ITGAE: variants seen among roughly 807,000 people sequenced by gnomAD.
The protein encoded by ITGAE is integrin alpha-E.
In ITGAE, 99 loss-of-function variants were observed where a neutral mutation model predicts 136.5. The observed-to-expected ratio is 0.73, with a 90% CI of 0.62 to 0.86. ITGAE has a LOEUF of 0.86. Ranked by LOEUF, ITGAE falls within the 40% of genes least tolerant of loss-of-function variation. The pLI is 0.00. For missense variants in ITGAE, 1,447 were observed against 1,515.3 expected (o/e 0.95, Z 0.75); for synonymous variants, 613 against 591.8 (o/e 1.04, Z -0.52).
chr17:3,797,988 A>T (rs1484320016), intron 1 of ITGAE, among the ~76,000 whole-genome samples: 1 of 152,112 alleles, frequency 6.6e-6, no homozygotes, highest in Non-Finnish European at 1.5e-5. Flanking sequence ...GCCGGCACTC[A>T]GGTCCCCACG....
At chr17:3,756,924 AG>A (rs1277063669) in intron 10 of ITGAE, 59 bp downstream of exon 10, 1 of 1,550,080 alleles carries the variant, frequency 6.5e-7, no homozygotes, top group East Asian at 2.3e-5. Flanking sequence ...GATGGGACAG[AG>A]GCCGGGCTGG....
At position 3,728,189 on chromosome 17, in the gene ITGAE, G is replaced by C. The variant is rs746046912; in HGVS notation, c.2913-21C>G. 8.8e-6 allele frequency: 14 copies of C among 1,594,684 alleles called. No individual in the cohort carries two copies. The South Asian group carries it at 1.3e-4, about 15-fold the overall frequency. ...ATGGTCTGCAATTGACAGGACATGC[G>C]TCAGCCCTTGAGGAGTCTTTCTCCC... is the stretch of plus-strand genomic sequence containing the variant. On this transcript the variant is annotated intron_variant, in intron 24 of 30. Coordinates refer to ENST00000263087, the MANE Select transcript of ITGAE (RefSeq NM_002208.5).
intron 21 of ITGAE, 150 bp downstream of exon 21, chr17:3,734,667 C>G (rs981049735): frequency 1.1e-6 from 1 of 912,084 alleles, no homozygotes; most frequent in Non-Finnish European, 1.7e-6. Flanking sequence ...GCCGGACTGG[C>G]GGGGATTTAT....
rs778969179 is a variant in ITGAE, at chr17:3,724,245, C to A, written c.3085-501G>T. 34 of 1,592,770 alleles carry A rather than the reference C, an allele frequency of 2.1e-5. No homozygotes were observed. In the East Asian group the frequency reaches 6.7e-4, roughly 32 times the overall value. On this transcript the variant is annotated intron_variant, in intron 26 of 30. Transcript: ENST00000263087. ...CGTGACCCCAAAGCGCTGGAAGCTG[C>A]GAGCTCGCCCAAGCCTAACCGTGAC...
intron 8 of ITGAE, among the ~76,000 whole-genome samples, chr17:3,758,207 C>T (rs1413212757): frequency 6.6e-6 from 1 of 152,152 alleles, no homozygotes; most frequent in Non-Finnish European, 1.5e-5. Context: ...ATATTTTAAG[C>T]CATCCAACCA....
At chr17:3,763,471 C>T (rs1261294810) in intron 3 of ITGAE, among the ~76,000 whole-genome samples, 1 of 152,092 alleles carries the variant, frequency 6.6e-6, no homozygotes, top group Non-Finnish European at 1.5e-5. Context: ...GCTAGAGTTT[C>T]GAATCAGCCA....
chr17:3,756,976 G>T lies in ITGAE; in HGVS notation c.1171+8C>A. ...CTCCTGCGGTGGCCTGGGTCCCGGA[G>T]CCCTCACCTTCCATGCTGATGATGT... On this transcript the variant is annotated splice_region_variant and intron_variant, in intron 10 of 30. Transcript: ENST00000263087. 1 of 1,611,114 alleles carries T rather than the reference G, an allele frequency of 6.2e-7. No homozygotes were observed. Among genetic ancestry groups the T allele is most frequent in the African/African-American group, 1.3e-5 (1 of 75,040 alleles).
chr17:3,778,839 T>C (rs954068692), intron 1 of ITGAE, among the ~76,000 whole-genome samples: 2 of 152,110 alleles, frequency 1.3e-5, no homozygotes, highest in African/African-American at 4.8e-5. Flanking sequence ...CATTTGACAA[T>C]GGGCAGAGCA....
At chr17:3,786,913 T>C (rs941578305) in intron 1 of ITGAE, among the ~76,000 whole-genome samples, 1 of 142,250 alleles carries the variant, frequency 7.0e-6, no homozygotes, top group African/African-American at 2.6e-5. Flanking sequence ...AAAAAAAGCA[T>C]GATACATCAA....
chr17:3,791,427 G>A (rs2052936654), intron 1 of ITGAE, among the ~76,000 whole-genome samples: 2 of 151,666 alleles, frequency 1.3e-5, no homozygotes, highest in Non-Finnish European at 2.9e-5. Context: ...GGATTACAGG[G>A]GTGTGCCAAC....
chr17:3,794,830 G>A (rs1597375421), intron 1 of ITGAE, among the ~76,000 whole-genome samples: 2 of 152,218 alleles, frequency 1.3e-5, no homozygotes, highest in South Asian at 4.1e-4. Context: ...GTGGGTGGGG[G>A]GCCTTCTTCC....
intron 26 of ITGAE, chr17:3,725,741 G>A: frequency 6.3e-7 from 1 of 1,582,996 alleles, no homozygotes; most frequent in South Asian, 1.2e-5. Context: ...TCTTCATTGT[G>A]CTGGAATTTG....
Position 3,720,717 on chromosome 17 carries a change from G to C in ITGAE, c.3238-315C>G, listed in dbSNP as rs1158644084. On this transcript the variant is annotated intron_variant, in intron 28 of 30. Coordinates refer to ENST00000263087, the MANE Select transcript of ITGAE (RefSeq NM_002208.5). Reference sequence around the variant, plus strand: ...CCTGCCTTAGCCTCCCGAGTAGCTGGAATTATGGGCATGTGCCACCATGCC... The same window carrying C: ...CCTGCCTTAGCCTCCCGAGTAGCTGCAATTATGGGCATGTGCCACCATGCC... 4 of 200,272 alleles carry C rather than the reference G, an allele frequency of 2.0e-5. No individual in the cohort carries two copies. The South Asian group carries it at 2.2e-4, about 11-fold the overall frequency. 12.4% of individuals were successfully genotyped at this position (200,272 alleles called of 1,614,324 possible).
chr17:3,734,316 GC>G (rs1305850802), intron 21 of ITGAE, among the ~76,000 whole-genome samples: 2 of 152,116 alleles, frequency 1.3e-5, no homozygotes, highest in African/African-American at 4.8e-5. Flanking sequence ...CTCGTGATCC[GC>G]CCGTCTCGGC....
chr17:3,737,309 G>A (rs550970111), intron 20 of ITGAE, among the ~76,000 whole-genome samples: 6 of 151,818 alleles, frequency 4.0e-5, no homozygotes, highest in Admixed American at 2.0e-4. Flanking sequence ...AGAAGAAGAA[G>A]AAAAAAGACA....
intron 2 of ITGAE, among the ~76,000 whole-genome samples, chr17:3,776,582 AG>A (rs1245066810): frequency 6.6e-6 from 1 of 152,070 alleles, no homozygotes; most frequent in Admixed American, 6.6e-5. Context: ...TCATAGTTTC[AG>A]GGTTTTTGTT....
intron 16 of ITGAE, among the ~76,000 whole-genome samples, chr17:3,749,328 C>T: frequency 6.6e-6 from 1 of 151,870 alleles, no homozygotes; most frequent in Non-Finnish European, 1.5e-5. Context: ...GATCTCCGCT[C>T]ACTGCAAGCT....
chr17:3,729,636 C>G (rs906962974), intron 23 of ITGAE, 81 bp from the exon 24 acceptor site: 1 of 950,100 alleles, frequency 1.1e-6, no homozygotes, highest in Non-Finnish European at 1.7e-6. Context: ...GCTCTGTTGC[C>G]CAGGCAGGAG....
At chr17:3,758,252 C>G (rs1216798826) in intron 8 of ITGAE, among the ~76,000 whole-genome samples, 1 of 152,080 alleles carries the variant, frequency 6.6e-6, no homozygotes, top group Non-Finnish European at 1.5e-5. Flanking sequence ...TATTATTTTT[C>G]TTTCTTTTTT....
Sources: gnomAD v4.1 joint callset for allele counts (sites outside exome capture counted in the v4.1 genomes callset) on GRCh38, gnomAD v4.1.1 for gene constraint, MANE v1.5 for transcripts, NCBI Gene and HGNC (gene_info 2026-07-23, HGNC 2026-07-21) for gene names.